The following TNFAIP8L3 variants were observed in gnomAD, a reference collection of about 807,000 sequenced individuals.
The protein encoded by TNFAIP8L3 is tumor necrosis factor alpha-induced protein 8-like protein 3.
TNFAIP8L3 carries 7 observed loss-of-function variants against 11.8 expected under a neutral mutation model. That is an observed-to-expected ratio of 0.59 (90% CI 0.34 to 1.11). The LOEUF is 1.11. Among genes scored for constraint, TNFAIP8L3 ranks in the 50% most tolerant of loss-of-function variants. The pLI, the probability that TNFAIP8L3 is intolerant of heterozygous loss-of-function variation, is 0.03. For missense variants in TNFAIP8L3, 219 were observed against 258.6 expected (o/e 0.85, Z 1.05); for synonymous variants, 98 against 103.8 (o/e 0.94, Z 0.34).
intron 1 of TNFAIP8L3, among the ~76,000 whole-genome samples, chr15:51,065,704 G>A (rs1300529310): frequency 6.6e-6 from 1 of 152,116 alleles, no homozygotes. Context: ...CACAGGACTT[G>A]GAAACTTCTC....
At chr15:51,081,900 C>T (rs535261539) in intron 1 of TNFAIP8L3, among the ~76,000 whole-genome samples, 1 of 152,256 alleles carries the variant, frequency 6.6e-6, no homozygotes, top group East Asian at 1.9e-4. Flanking sequence ...AATCATTCTC[C>T]CTCTCTTATT....
At chr15:51,075,255 T>C (rs1238812506) in intron 1 of TNFAIP8L3, among the ~76,000 whole-genome samples, 1 of 152,148 alleles carries the variant, frequency 6.6e-6, no homozygotes, top group Non-Finnish European at 1.5e-5. Flanking sequence ...CATACGGAGC[T>C]ATCTGCTTGG....
intron 1 of TNFAIP8L3, among the ~76,000 whole-genome samples, chr15:51,089,755 A>G (rs966845631): frequency 6.6e-6 from 1 of 152,238 alleles, no homozygotes; most frequent in Non-Finnish European, 1.5e-5. Context: ...TACTATGTCC[A>G]TAAAATCCCA....
intron 1 of TNFAIP8L3, among the ~76,000 whole-genome samples, chr15:51,099,952 G>A (rs1442539524): frequency 6.6e-6 from 1 of 152,176 alleles, no homozygotes; most frequent in Admixed American, 6.5e-5. Context: ...ACCAATTGAT[G>A]AGTTTTTTGT....
chr15:51,076,762 C>G (rs2140972330), intron 1 of TNFAIP8L3, among the ~76,000 whole-genome samples: 1 of 152,274 alleles, frequency 6.6e-6, no homozygotes, highest in East Asian at 1.9e-4. Flanking sequence ...CCTGCCACCC[C>G]CAGCGCACTC....
rs779223036 is a variant in TNFAIP8L3 at position 51,094,507 on chromosome 15, C to T, written c.52+37G>A. ...CCCAGCCTCCCGTCCTCCCCAGCCC[C>T]AGCCCACCCGCCTGGGCCGTCGCGG... On this transcript the variant is annotated intron_variant, in intron 1 of 1. Transcript: ENST00000637513. This position sits in a 1 kb window ranked among gnomAD's most constrained non-coding sequence, Gnocchi z 4.4. 1.4e-5 allele frequency: 20 copies of T among 1,462,018 alleles called. No individual in the cohort carries two copies. Among genetic ancestry groups the T allele is most frequent in the Non-Finnish European group, 1.4e-5 (15 of 1,110,178 alleles). 90.6% of individuals were successfully genotyped at this position (1,462,018 alleles called of 1,614,324 possible). A position where few individuals can be genotyped will look rare whatever the true frequency, so the allele number is the denominator to read the frequency against.
At chr15:51,067,084 T>C (rs1468504034) in intron 1 of TNFAIP8L3, among the ~76,000 whole-genome samples, 2 of 152,250 alleles carry the variant, frequency 1.3e-5, no homozygotes, top group East Asian at 3.9e-4. Flanking sequence ...TAGAAGCTCA[T>C]GAAAAGTGCC....
intron 1 of TNFAIP8L3, among the ~76,000 whole-genome samples, chr15:51,072,182 C>T (rs564922527): frequency 3.1e-4 from 47 of 152,182 alleles, no homozygotes; most frequent in African/African-American, 1.1e-3. Flanking sequence ...CTCTTGTTGC[C>T]CAGGCTGGAG....
intron 1 of TNFAIP8L3, among the ~76,000 whole-genome samples, chr15:51,067,923 T>C (rs1003223070): frequency 6.6e-6 from 1 of 152,218 alleles, no homozygotes; most frequent in African/African-American, 2.4e-5. Context: ...AAGGGAAAAG[T>C]AATGATCTAA....
intron 1 of TNFAIP8L3, among the ~76,000 whole-genome samples, chr15:51,089,418 T>C (rs1390270874): frequency 6.6e-6 from 1 of 152,188 alleles, no homozygotes; most frequent in African/African-American, 2.4e-5. Context: ...TCAAGGGATA[T>C]GTGGTTGTGG....
intron 1 of TNFAIP8L3, among the ~76,000 whole-genome samples, chr15:51,101,954 AAAAAAAAAAAG>A: frequency 6.6e-6 from 1 of 151,628 alleles, no homozygotes; most frequent in Non-Finnish European, 1.5e-5. Context: ...TCAAAAAAAA[AAAAAAAAAAAG>A]AAAAGAAAAA....
chr15:51,069,588 C>A (rs1262595039), intron 1 of TNFAIP8L3: 1 of 152,204 alleles, frequency 6.6e-6, no homozygotes. Flanking sequence ...CAATCCATCA[C>A]CCATCAGCAC....
At chr15:51,102,432 C>T (rs548640887) in intron 1 of TNFAIP8L3, among the ~76,000 whole-genome samples, 3 of 152,150 alleles carry the variant, frequency 2.0e-5, no homozygotes, top group Admixed American at 1.3e-4. Flanking sequence ...AAATATCGCT[C>T]GCCAAGTGTT....
In TNFAIP8L3 at chr15:51,056,917, A is replaced by ATTTT. The variant is rs1555465967; in HGVS notation, c.*963_*964insAAAA. 2 of 151,568 alleles carry ATTTT rather than the reference A, an allele frequency of 1.3e-5. No homozygotes were observed. Among genetic ancestry groups the ATTTT allele is most frequent in the African/African-American group, 4.9e-5 (2 of 41,178 alleles). 9.4% of individuals were successfully genotyped at this position (151,568 alleles called of 1,614,324 possible). The stretch of plus-strand genomic sequence containing the variant: ...TTTTAAAAAAATTATTATTATTATT[A>ATTTT]TTATTTTTTAGAGACAGAGTCTTGC... On this transcript the variant is annotated 3_prime_UTR_variant, in exon 2 of 2. Transcript: ENST00000637513.
chr15:51,098,523 A>C (rs1349011280), upstream of TNFAIP8L3, among the ~76,000 whole-genome samples: 1 of 152,060 alleles, frequency 6.6e-6, no homozygotes, highest in Admixed American at 6.5e-5. Context: ...CTTGATATCC[A>C]TCTAACAGAA....
chr15:51,081,788 T>C (rs1831076911), intron 1 of TNFAIP8L3, among the ~76,000 whole-genome samples: 2 of 152,208 alleles, frequency 1.3e-5, no homozygotes, highest in Non-Finnish European at 2.9e-5. Flanking sequence ...GTAGAGGTGG[T>C]TGGTAGCAGC....
intron 1 of TNFAIP8L3, among the ~76,000 whole-genome samples, chr15:51,088,573 T>G (rs2065445940): frequency 1.3e-5 from 2 of 152,284 alleles, no homozygotes; most frequent in South Asian, 4.1e-4. Context: ...AAACAGCTGA[T>G]CAGCCAGCAT....
intron 1 of TNFAIP8L3, among the ~76,000 whole-genome samples, chr15:51,070,853 C>T (rs370253564): frequency 4.4e-4 from 65 of 149,084 alleles, no homozygotes; most frequent in African/African-American, 1.4e-3. Flanking sequence ...GAGACCATCC[C>T]GGCTAAAACG....
intron 1 of TNFAIP8L3, among the ~76,000 whole-genome samples, chr15:51,090,527 C>T (rs2065460889): frequency 6.6e-6 from 1 of 152,208 alleles, no homozygotes; most frequent in Non-Finnish European, 1.5e-5. Context: ...TCCCAGAACT[C>T]CCCAGTATGC....
Sources: gnomAD v4.1 joint callset for allele counts (sites outside exome capture counted in the v4.1 genomes callset) on GRCh38, gnomAD v4.1.1 for gene constraint, Gnocchi (gnomAD v3.1) non-coding constraint, MANE v1.5 for transcripts, NCBI Gene and HGNC (gene_info 2026-07-23, HGNC 2026-07-21) for gene names.